Variants in METAP2 observed in about 807,000 individuals in gnomAD.
METAP2 encodes the protein methionine aminopeptidase 2.
Under a neutral mutation model 59.4 loss-of-function variants are expected in METAP2, and 25 were observed. The ratio of observed to expected loss-of-function variants is 0.42; its 90% CI spans 0.31 to 0.59. The LOEUF (loss-of-function observed/expected upper bound fraction) is 0.59, where lower values mean the gene tolerates loss of function less well. METAP2 is among the 20% of genes least tolerant of loss of function. The pLI, the probability that METAP2 is intolerant of heterozygous loss-of-function variation, is 0.16. For synonymous variants in METAP2, 214 were observed against 194.1 expected (o/e 1.10, Z -0.85); for missense variants, 366 against 581.2 (o/e 0.63, Z 3.81).
rs1006978072 is a variant in METAP2, at chr12:95,474,435, A to G, written c.151+105A>G. 22 of 1,262,298 alleles carry G rather than the reference A, an allele frequency of 1.7e-5. No homozygotes were observed. In the African/African-American group the frequency reaches 3.2e-4, roughly 18 times the overall value. The allele number at this position is 1,262,298 out of a possible 1,614,324, so 78.2% of individuals were successfully genotyped here. A position where few individuals can be genotyped will look rare whatever the true frequency, so the allele number is the denominator to read the frequency against. On this transcript the variant is annotated intron_variant, in intron 1 of 10. Coordinates refer to ENST00000323666, the MANE Select transcript of METAP2 (RefSeq NM_006838.4). ...ACCGGGGCCCCAGAGCCCCGACTAG[A>G]CTGATTCTTGGGCCTGACAGGGTGG...
rs2076428787 is a variant in METAP2, at chr12:95,514,355, C to CA, written c.*453dup. ...ATTTTCAGATCTGAGAGCTACATCT[C>CA]AATGTCTGTGGTTATAATTCTGGAC... On this transcript the variant is annotated 3_prime_UTR_variant, in exon 11 of 11. Transcript: ENST00000323666. 6.4e-6 allele frequency: 1 copy of CA among 155,804 alleles called. No homozygotes were observed. Among genetic ancestry groups the CA allele is most frequent in the African/African-American group, 2.4e-5 (1 of 41,502 alleles). The allele number at this position is 155,804 out of a possible 1,614,324, so 9.7% of individuals were successfully genotyped here. A position where few individuals can be genotyped will look rare whatever the true frequency, so the allele number is the denominator to read the frequency against.
intron 8 of METAP2, among the ~76,000 whole-genome samples, chr12:95,505,427 A>G (rs966903281): frequency 6.6e-6 from 1 of 151,506 alleles, no homozygotes; most frequent in African/African-American, 2.4e-5. Flanking sequence ...TCCTGGGTTC[A>G]AGCGATTCTG....
chr12:95,488,705 G>A (rs1034662680), intron 4 of METAP2, among the ~76,000 whole-genome samples: 8 of 151,940 alleles, frequency 5.3e-5, no homozygotes, highest in African/African-American at 1.9e-4. Context: ...CCCTCCTACT[G>A]AATTGAATGA....
intron 8 of METAP2, among the ~76,000 whole-genome samples, 183 bp from the exon 9 acceptor site, chr12:95,511,712 C>T (rs2076404399): frequency 6.6e-6 from 1 of 152,092 alleles, no homozygotes; most frequent in Non-Finnish European, 1.5e-5. Flanking sequence ...ATTAATAACA[C>T]TGCAACTACT....
At chr12:95,494,535 A>G (rs895376854) in intron 5 of METAP2, among the ~76,000 whole-genome samples, 2 of 152,236 alleles carry the variant, frequency 1.3e-5, no homozygotes, top group African/African-American at 4.8e-5. Flanking sequence ...AATACAGAAC[A>G]TGATGATAAT....
At chr12:95,475,888 G>A (rs936107277) in intron 1 of METAP2, among the ~76,000 whole-genome samples, 183 bp from the exon 2 acceptor site, 1 of 152,104 alleles carries the variant, frequency 6.6e-6, no homozygotes, top group African/African-American at 2.4e-5. Flanking sequence ...ATTAATGAAT[G>A]GACAATACTG....
chr12:95,503,179 C>T (rs1255503367), intron 7 of METAP2, among the ~76,000 whole-genome samples: 1 of 152,070 alleles, frequency 6.6e-6, no homozygotes, highest in African/African-American at 2.4e-5. Context: ...TTCTGAAAAT[C>T]AGATATTCCC....
At chr12:95,475,421 C>G (rs1189068363) in intron 1 of METAP2, among the ~76,000 whole-genome samples, 1 of 152,280 alleles carries the variant, frequency 6.6e-6, no homozygotes, top group Non-Finnish European at 1.5e-5. Context: ...AGGTGTTAAG[C>G]TGACTGATCC....
At chr12:95,496,949 C>G (rs1032175782) in intron 7 of METAP2, among the ~76,000 whole-genome samples, 1 of 151,454 alleles carries the variant, frequency 6.6e-6, no homozygotes, top group Non-Finnish European at 1.5e-5. Context: ...CTCAGCCTCC[C>G]GAGTTGCTGG....
chr12:95,494,208 T>C lies in METAP2; in HGVS notation c.581T>C (p.Ile194Thr). 1.9e-6 allele frequency: 3 copies of C among 1,612,842 alleles called. No individual in the cohort carries two copies. The highest frequency in any genetic ancestry group is 1.3e-5 in the African/African-American group (1 of 75,036). The change falls in exon 5 of 11, where the codon ATA (isoleucine) becomes ACA (threonine). Residue 194 changes from isoleucine (I) to threonine (T), a missense_variant. Around this residue, in one of 4 missense-constraint regions of METAP2, gnomAD observed 106 missense variants for 221.9 expected, o/e 0.48. Transcript: ENST00000323666. ...TGGATCAAGCCTGGGATGACAATGA[T>C]AGAAATCTGGTAAAAGGAATACTTC... ...MSWIKPGMTM[I>T]EICEKLEDCS...
intron 10 of METAP2, among the ~76,000 whole-genome samples, 193 bp downstream of exon 10, chr12:95,513,109 A>ACG (rs1317519189): frequency 6.6e-6 from 1 of 151,504 alleles, no homozygotes; most frequent in African/African-American, 2.4e-5. Context: ...ACACACACAC[A>ACG]CACACACACA....
At chr12:95,499,155 G>A (rs560274598) in intron 7 of METAP2, among the ~76,000 whole-genome samples, 2 of 151,988 alleles carry the variant, frequency 1.3e-5, no homozygotes, top group African/African-American at 4.8e-5. Context: ...TTTGGTTTTA[G>A]TTTTGAGACA....
At chr12:95,503,867 T>C (rs888040049) in intron 7 of METAP2, among the ~76,000 whole-genome samples, 198 bp from the exon 8 acceptor site, 1 of 152,202 alleles carries the variant, frequency 6.6e-6, no homozygotes, top group African/African-American at 2.4e-5. Flanking sequence ...GTGCACTTGT[T>C]GTCTATTTAG....
chr12:95,486,111 T>TA (rs751792121), intron 4 of METAP2, 130 bp downstream of exon 4: 19 of 649,472 alleles, frequency 2.9e-5, no homozygotes, highest in Middle Eastern at 2.6e-4. Context: ...ATAAAGAAGA[T>TA]ACAGTAGAAG....
At chr12:95,494,429 A>C (rs933023514) in intron 5 of METAP2, among the ~76,000 whole-genome samples, 6 of 152,208 alleles carry the variant, frequency 3.9e-5, no homozygotes, top group Non-Finnish European at 5.9e-5. Flanking sequence ...GTGCACATGT[A>C]GTCATTACTG....
chr12:95,501,920 C>T, intron 7 of METAP2, among the ~76,000 whole-genome samples: 2 of 151,258 alleles, frequency 1.3e-5, no homozygotes, highest in Non-Finnish European at 2.9e-5. Flanking sequence ...TCTTGCAGGC[C>T]CGGTCTAGTA....
intron 1 of METAP2, 86 bp from the exon 2 acceptor site, chr12:95,475,985 T>G (rs1317754479): frequency 1.3e-6 from 1 of 758,208 alleles, no homozygotes; most frequent in African/African-American, 1.8e-5. Context: ...AGGAAAGGAT[T>G]TGTAAGTTTT....
intron 4 of METAP2, among the ~76,000 whole-genome samples, chr12:95,486,893 A>G (rs1170556862): frequency 6.6e-6 from 1 of 152,224 alleles, no homozygotes; most frequent in Non-Finnish European, 1.5e-5. Context: ...GGTGTTCTGT[A>G]AGGATACATT....
At chr12:95,486,435 A>G (rs1205562227) in intron 4 of METAP2, among the ~76,000 whole-genome samples, 1 of 150,994 alleles carries the variant, frequency 6.6e-6, no homozygotes, top group East Asian at 1.9e-4. Flanking sequence ...GTATTTTTTG[A>G]TCACTTATCC....
Sources: allele counts gnomAD v4.1 joint callset (sites outside exome capture counted in the v4.1 genomes callset), GRCh38; gene constraint gnomAD v4.1.1; regional missense constraint gnomAD v4.1.1; transcripts MANE v1.5; gene names NCBI Gene and HGNC (gene_info 2026-07-23, HGNC 2026-07-21).